FHL2: variants seen among roughly 807,000 people sequenced by gnomAD.
FHL2 encodes the protein four and a half LIM domains protein 2.
In FHL2, 20 loss-of-function variants were observed where a neutral mutation model predicts 32.7. That is an observed-to-expected ratio of 0.61 (90% CI 0.43 to 0.89). FHL2 has a LOEUF of 0.89. Among genes scored for constraint, FHL2 ranks in the 40% least tolerant of loss-of-function variants. FHL2 has a pLI of 0.00. For missense variants in FHL2, 311 were observed against 358.6 expected, an observed-to-expected ratio of 0.87 and a Z score of 1.07; for synonymous variants, 123 against 128.1, an observed-to-expected ratio of 0.96 and a Z score of 0.27.
At chr2:105,410,074 G>A (rs962967986) in intron 1 of FHL2, among the ~76,000 whole-genome samples, 1 of 152,234 alleles carries the variant, frequency 6.6e-6, no homozygotes, top group Admixed American at 6.5e-5. Context: ...CAGAAGGCTG[G>A]ACCCAGACAG....
chr2:105,396,100 G>T (rs1683109577), intron 2 of FHL2, among the ~76,000 whole-genome samples: 1 of 152,192 alleles, frequency 6.6e-6, no homozygotes, highest in Middle Eastern at 3.2e-3. Flanking sequence ...TTAAATAGAT[G>T]TTACCAGAGA....
At chr2:105,399,105 A>T, upstream of FHL2, 1 of 1,454,370 alleles carries the variant, frequency 6.9e-7, no homozygotes, top group Non-Finnish European at 9.0e-7. Context: ...ATTTGACCAT[A>T]TAAGGAGATG....
chr2:105,398,734 C>T (rs1683320168), intron 1 of FHL2, 108 bp downstream of exon 1: 19 of 932,132 alleles, frequency 2.0e-5, no homozygotes, highest in Non-Finnish European at 2.4e-5. Context: ...GCTCTCCTCT[C>T]CCGGGTCTAC....
chr2:105,422,261 G>T (rs984467431), intron 1 of FHL2, among the ~76,000 whole-genome samples: 3 of 152,188 alleles, frequency 2.0e-5, no homozygotes, highest in African/African-American at 7.2e-5. Flanking sequence ...GGTGAGAATG[G>T]CAAGAACTCC....
intron 3 of FHL2, among the ~76,000 whole-genome samples, chr2:105,380,862 C>T (rs1433828349): frequency 1.3e-5 from 2 of 152,224 alleles, no homozygotes; most frequent in Non-Finnish European, 2.9e-5. Context: ...TCATACATTG[C>T]AGTAAAATGT....
intron 3 of FHL2, chr2:105,376,115 A>G (rs1681457018): frequency 6.6e-6 from 1 of 152,268 alleles, no homozygotes; most frequent in Admixed American, 6.5e-5. Context: ...GACCATCATT[A>G]CCCCATCTGT....
chr2:105,363,171 G>A, intron 6 of FHL2, 114 bp downstream of exon 6: 1 of 973,564 alleles, frequency 1.0e-6, no homozygotes, highest in Admixed American at 2.4e-5. Context: ...GCTGTGTTCA[G>A]AGCCTTAGGG....
At chr2:105,366,702 C>T (rs1680657493) in intron 5 of FHL2, among the ~76,000 whole-genome samples, 1 of 152,160 alleles carries the variant, frequency 6.6e-6, no homozygotes. Context: ...CCTAACAGAG[C>T]CATGACTGGA....
chr2:105,436,563 C>CAT (rs1297145838), intron 1 of FHL2, among the ~76,000 whole-genome samples: 2 of 150,718 alleles, frequency 1.3e-5, no homozygotes, highest in East Asian at 1.9e-4. Flanking sequence ...TTTATATATA[C>CAT]ATATATATAT....
chr2:105,400,245 G>T (rs1158856934), upstream of FHL2, among the ~76,000 whole-genome samples: 1 of 152,160 alleles, frequency 6.6e-6, no homozygotes, highest in Non-Finnish European at 1.5e-5. Flanking sequence ...GTGGTAGATG[G>T]CAAAGCCATG....
In FHL2 at chr2:105,416,090, A is replaced by G. The variant is rs186887942; in HGVS notation, c.-25+22309T>C. 4.6e-3 allele frequency among the ~76,000 whole-genome samples: 701 copies of G among 152,310 alleles called. 3 individuals carry two copies. The highest frequency in any genetic ancestry group is 8.3e-3 in the Non-Finnish European group (567 of 68,018). ...TCTTTAATATTATTAAGAATCCCAA[A>G]GGGCTTTTGTTTATGTAGGTTATAT... On this transcript the variant is annotated intron_variant, in intron 1 of 5. Coordinates refer to the FHL2 transcript ENST00000393352.
intron 3 of FHL2, among the ~76,000 whole-genome samples, chr2:105,377,141 G>C (rs1681528908): frequency 6.6e-6 from 1 of 152,160 alleles, no homozygotes. Flanking sequence ...ACTCCCACAT[G>C]CTTAGCATTC....
intron 1 of FHL2, among the ~76,000 whole-genome samples, chr2:105,414,177 C>A (rs1419982749): frequency 6.6e-6 from 1 of 152,162 alleles, no homozygotes; most frequent in Non-Finnish European, 1.5e-5. Context: ...GGATACAGAA[C>A]AAAGCATGGG....
At chr2:105,366,694 T>C (rs541132244) in intron 5 of FHL2, among the ~76,000 whole-genome samples, 119 of 152,326 alleles carry the variant, frequency 7.8e-4, no homozygotes, top group African/African-American at 2.7e-3. Context: ...TCTTTAACCC[T>C]AACAGAGCCA....
intron 1 of FHL2, among the ~76,000 whole-genome samples, chr2:105,426,077 G>A (rs1684258432): frequency 6.6e-6 from 1 of 151,746 alleles, no homozygotes; most frequent in Non-Finnish European, 1.5e-5. Context: ...AGATGTATTT[G>A]GTATTTGCTT....
At chr2:105,399,111 A>G, upstream of FHL2, 4 of 1,432,920 alleles carry the variant, frequency 2.8e-6, no homozygotes, top group Non-Finnish European at 3.6e-6. Flanking sequence ...CCATATAAGG[A>G]GATGCACGCC....
chr2:105,389,026 G>A lies in FHL2; in HGVS notation c.-24-2486C>T, dbSNP rs573609816. ...TAATTTTGTACTATTGCGTATACAC[G>A]ATCCTGACAACTGTAAGCAAGGAAA... On this transcript the variant is annotated intron_variant, in intron 2 of 6. Coordinates refer to ENST00000530340, the MANE Select transcript of FHL2 (RefSeq NM_001318895.3). Among the ~76,000 whole-genome samples, 9 of 152,246 alleles carry A rather than the reference G, an allele frequency of 5.9e-5. No individual in the cohort carries two copies. In the South Asian group the frequency reaches 1.5e-3, roughly 25 times the overall value.
chr2:105,397,881 G>GTTTT (rs749684273), intron 1 of FHL2, among the ~76,000 whole-genome samples: 100 of 116,340 alleles, frequency 8.6e-4, no homozygotes, highest in African/African-American at 2.9e-3. Flanking sequence ...TTGTTTTTTT[G>GTTTT]TTTTTTGTTT....
intron 1 of FHL2, among the ~76,000 whole-genome samples, chr2:105,415,479 A>G (rs1378621291): frequency 2.0e-5 from 3 of 152,252 alleles, no homozygotes; most frequent in Non-Finnish European, 2.9e-5. Context: ...AACTAAAATA[A>G]TATAAAGTAA....
Sources: gnomAD v4.1 joint callset for allele counts (sites outside exome capture counted in the v4.1 genomes callset) on GRCh38, gnomAD v4.1.1 for gene constraint, MANE v1.5 for transcripts, NCBI Gene and HGNC (gene_info 2026-07-23, HGNC 2026-07-21) for gene names.